Variants in LRP1B observed in about 807,000 individuals in gnomAD.
The protein encoded by LRP1B is LDL receptor related protein 1B.
A neutral mutation model predicts 556.6 loss-of-function variants in LRP1B; 217 were observed. The observed-to-expected ratio is 0.39, with a 90% CI of 0.35 to 0.44. LRP1B has a LOEUF of 0.44. Among genes scored for constraint, LRP1B ranks in the 20% least tolerant of loss-of-function variants. LRP1B has a pLI of 1.00. For missense variants in LRP1B, 5,053 were observed against 5,620.8 expected (o/e 0.90, Z 3.23); for synonymous variants, 2,047 against 1,865.8 (o/e 1.10, Z -2.50).
chr2:140,307,396 A>C (rs1000297855), intron 83 of LRP1B, among the ~76,000 whole-genome samples: 2 of 151,856 alleles, frequency 1.3e-5, no homozygotes, highest in African/African-American at 4.8e-5. Context: ...TTGTTAAACA[A>C]ATTATCTATG....
At chr2:141,051,984 T>A (rs1699049246) in intron 10 of LRP1B, among the ~76,000 whole-genome samples, 1 of 152,002 alleles carries the variant, frequency 6.6e-6, no homozygotes. Context: ...AATTTTAGAA[T>A]CAAGATTATT....
At chr2:141,021,314 C>T (rs894702832) in intron 11 of LRP1B, among the ~76,000 whole-genome samples, 8 of 152,100 alleles carry the variant, frequency 5.3e-5, no homozygotes, top group Non-Finnish European at 7.4e-5. Context: ...TGCTAATCAA[C>T]ATGTGTTGTG....
intron 18 of LRP1B, 60 bp from the exon 19 acceptor site, chr2:140,952,000 T>A (rs2105303253): frequency 8.5e-7 from 1 of 1,173,076 alleles, no homozygotes. Flanking sequence ...ATGACATAAT[T>A]CGTATCATCT....
At chr2:141,407,196 T>C (rs1690675373) in intron 3 of LRP1B, among the ~76,000 whole-genome samples, 1 of 152,184 alleles carries the variant, frequency 6.6e-6, no homozygotes, top group Non-Finnish European at 1.5e-5. Flanking sequence ...CATTTTGAGA[T>C]TGAAATGCTC....
chr2:140,850,782 A>AT (rs1300269299), intron 28 of LRP1B, among the ~76,000 whole-genome samples: 2 of 152,198 alleles, frequency 1.3e-5, no homozygotes, highest in African/African-American at 2.4e-5. Context: ...TATTTTTCCT[A>AT]TAAAAATTAG....
intron 2 of LRP1B, among the ~76,000 whole-genome samples, chr2:141,767,854 A>T (rs1381815172): frequency 6.6e-6 from 1 of 152,144 alleles, no homozygotes; most frequent in African/African-American, 2.4e-5. Context: ...GGCAATTTGC[A>T]TTGAATCAAA....
At chr2:140,487,558 T>C in intron 58 of LRP1B, 59 bp downstream of exon 58, 2 of 1,491,460 alleles carry the variant, frequency 1.3e-6, no homozygotes, top group South Asian at 1.2e-5. Flanking sequence ...ACATTTTCTA[T>C]ACAATTCAAT....
At chr2:141,505,125 CT>C (rs1473821958) in intron 2 of LRP1B, among the ~76,000 whole-genome samples, 20 of 151,880 alleles carry the variant, frequency 1.3e-4, no homozygotes, top group Admixed American at 1.2e-3. Flanking sequence ...CCCCCTCTCT[CT>C]CTTCCCCTCC....
chr2:141,997,032 G>C (rs1254539262), intron 1 of LRP1B, among the ~76,000 whole-genome samples: 1 of 152,130 alleles, frequency 6.6e-6, no homozygotes, highest in Non-Finnish European at 1.5e-5. Context: ...CTGCAGATCT[G>C]TCACTGCCTG....
intron 20 of LRP1B, among the ~76,000 whole-genome samples, chr2:140,937,997 C>A (rs1053027108): frequency 6.6e-6 from 1 of 151,688 alleles, no homozygotes; most frequent in African/African-American, 2.4e-5. Flanking sequence ...ACCAGAATCT[C>A]CCCGAGAAAT....
At chr2:141,014,525 G>A (rs1012029115) in intron 13 of LRP1B, among the ~76,000 whole-genome samples, 8 of 151,944 alleles carry the variant, frequency 5.3e-5, no homozygotes, top group Admixed American at 3.9e-4. Context: ...AAAACATACT[G>A]AATACAAGAT....
chr2:141,392,133 T>C (rs1559045587), intron 3 of LRP1B, among the ~76,000 whole-genome samples: 1 of 152,190 alleles, frequency 6.6e-6, no homozygotes, highest in Non-Finnish European at 1.5e-5. Flanking sequence ...GGGTTACTAA[T>C]GACAGCCCTC....
chr2:140,622,767 C>G (rs900634013), intron 41 of LRP1B, among the ~76,000 whole-genome samples: 6 of 152,164 alleles, frequency 3.9e-5, no homozygotes, highest in Non-Finnish European at 7.4e-5. Flanking sequence ...ACAGTTTGCT[C>G]TGAAACTAGA....
chr2:141,436,208 A>G (rs1401494827), intron 3 of LRP1B, among the ~76,000 whole-genome samples: 1 of 152,230 alleles, frequency 6.6e-6, no homozygotes, highest in Non-Finnish European at 1.5e-5. Flanking sequence ...TGAAATGATT[A>G]CCACAATGAA....
chr2:141,810,113 A>AAAAGAAAGAAAGAAAGAAAGAAAGAAAG (rs67681645), intron 2 of LRP1B, among the ~76,000 whole-genome samples, 166 bp downstream of exon 2: 1 of 77,916 alleles, frequency 1.3e-5, no homozygotes, highest in Admixed American at 1.2e-4. Context: ...GAAAGAAAGA[A>AAAAGAAAGAAAGAAAGAAAGAAAGAAAG]AAAGAAAGAA....
chr2:141,924,305 C>T (rs1574496914), intron 1 of LRP1B, among the ~76,000 whole-genome samples: 1 of 151,974 alleles, frequency 6.6e-6, no homozygotes, highest in East Asian at 1.9e-4. Context: ...TGCTTGATAG[C>T]CAAAACTTCA....
intron 1 of LRP1B, among the ~76,000 whole-genome samples, chr2:142,077,092 T>C (rs1354823686): frequency 6.6e-6 from 1 of 152,086 alleles, no homozygotes; most frequent in Non-Finnish European, 1.5e-5. Flanking sequence ...TCACATGAGG[T>C]TAAGCATAAA....
intron 2 of LRP1B, among the ~76,000 whole-genome samples, chr2:141,625,605 G>A (rs16846697): frequency 0.71 from 108,168 of 152,028 alleles, 39,776 homozygotes; most frequent in East Asian, 0.84. Flanking sequence ...GGCATAGTAC[G>A]TGATCGACTT....
At chr2:141,514,416 C>G (rs10200782) in intron 2 of LRP1B, among the ~76,000 whole-genome samples, 149,222 of 152,226 alleles carry the variant, frequency 0.98, 73,202 homozygotes, top group East Asian at 1. Flanking sequence ...AAGGTGTGCT[C>G]TGCTCACGTC....
Sources: allele counts gnomAD v4.1 joint callset (sites outside exome capture counted in the v4.1 genomes callset), GRCh38; gene constraint gnomAD v4.1.1; transcripts MANE v1.5; gene names NCBI Gene and HGNC (gene_info 2026-07-23, HGNC 2026-07-21).